The following URI1 variants were observed in gnomAD, a reference collection of about 807,000 sequenced individuals.
URI1 encodes the protein unconventional prefoldin RPB5 interactor 1.
A neutral mutation model predicts 60.2 loss-of-function variants in URI1; 39 were observed. The ratio of observed to expected loss-of-function variants is 0.65; its 90% CI spans 0.50 to 0.85. URI1 has a LOEUF of 0.85. Among genes scored for constraint, URI1 ranks in the 40% least tolerant of loss-of-function variants. The pLI is 0.00. For synonymous variants in URI1, 251 were observed against 236.8 expected (o/e 1.06, Z -0.55); for missense variants, 691 against 665.9 (o/e 1.04, Z -0.42).
intron 1 of URI1, among the ~76,000 whole-genome samples, chr19:29,961,151 T>C (rs775369181): frequency 2.0e-5 from 3 of 151,996 alleles, no homozygotes; most frequent in Non-Finnish European, 4.4e-5. Flanking sequence ...TGAGCTACCA[T>C]GACCAGCCCA....
chr19:29,924,922 G>A (rs568768823), intron 1 of URI1, among the ~76,000 whole-genome samples: 22 of 150,702 alleles, frequency 1.5e-4, no homozygotes, highest in South Asian at 6.3e-4. Flanking sequence ...TGCAACCTCC[G>A]CCTCCTGGAT....
rs77842821 is a variant in URI1, at chr19:30,014,944, C to G, written c.1483C>G (p.Pro495Ala). ...EFVSPSLTPPPAIAHPALPTI... is the reference protein window; with the variant it reads ...EFVSPSLTPPAAIAHPALPTI... ...TGTATCACCTTCCTTAACACCACCCCCAGCCATTGCTCATCCCGCACTACC... is the reference window on the plus strand; with the variant it reads ...TGTATCACCTTCCTTAACACCACCCGCAGCCATTGCTCATCCCGCACTACC... Residue 495 changes from proline (P) to alanine (A), a missense_variant, in exon 11 of 11, where the codon CCA becomes GCA. Transcript: ENST00000392271. 6.2e-7 allele frequency: 1 copy of G among 1,613,698 alleles called. No homozygotes were observed. Among genetic ancestry groups the G allele is most frequent in the East Asian group, 2.2e-5 (1 of 44,862 alleles).
rs747802047 is a variant in URI1, at chr19:30,012,418, T to G, written c.1312T>G (p.Leu438Val). ...TGAATTTGATGATAGGCGGGGAGTT[T>G]TGAGGAGTATCAGCTGCGAAGAAGC... Reference protein sequence around the residue: ...AAEFDDRRGVLRSISCEEATC... With the variant: ...AAEFDDRRGVVRSISCEEATC... Residue 438 changes from leucine to valine, a missense_variant, in exon 10 of 11, where the codon TTG (leucine) becomes GTG (valine). Coordinates refer to ENST00000392271, the MANE Select transcript of URI1 (RefSeq NM_003796.3). 1 of 1,614,088 alleles carries G rather than the reference T, an allele frequency of 6.2e-7. No individual in the cohort carries two copies.
chr19:29,974,888 C>T (rs1394074309), intron 2 of URI1, among the ~76,000 whole-genome samples: 1 of 152,200 alleles, frequency 6.6e-6, no homozygotes, highest in Non-Finnish European at 1.5e-5. Flanking sequence ...TGGCCTCCTG[C>T]TGCATCCATG....
chr19:29,964,466 T>TG (rs2055366430), intron 1 of URI1, among the ~76,000 whole-genome samples: 1 of 139,486 alleles, frequency 7.2e-6, no homozygotes, highest in Non-Finnish European at 1.5e-5. Context: ...TTTGTTTTGT[T>TG]TTTTTTTTTT....
Position 30,011,185 on chromosome 19 carries a change from G to T in URI1, c.1127G>T (p.Gly376Val). 1 of 1,612,144 alleles carries T rather than the reference G, an allele frequency of 6.2e-7. No individual in the cohort carries two copies. The highest frequency in any genetic ancestry group is 8.5e-7 in the Non-Finnish European group (1 of 1,179,304). ...KRKRKNSTGS[G>V]HSAQELPTIR... Reference sequence around the variant, plus strand: ...AAACGAAAGAACAGCACTGGCAGTGGCCACTCTGCCCAGGAGCTGCCGACC... The same window carrying T: ...AAACGAAAGAACAGCACTGGCAGTGTCCACTCTGCCCAGGAGCTGCCGACC... The change falls in exon 9 of 11, where the codon GGC becomes GTC. Residue 376 changes from glycine (G) to valine (V), a missense_variant. By Grantham distance (109) the Gly-to-Val change is moderately radical. Coordinates refer to ENST00000392271, the MANE Select transcript of URI1 (RefSeq NM_003796.3).
At chr19:29,934,038 T>G (rs879065398) in intron 1 of URI1, among the ~76,000 whole-genome samples, 1 of 147,332 alleles carries the variant, frequency 6.8e-6, no homozygotes, top group African/African-American at 2.5e-5. Context: ...CAGGTTCCAG[T>G]GATTCTCCTG....
chr19:29,998,046 C>T (rs1294995780), intron 4 of URI1, among the ~76,000 whole-genome samples: 1 of 152,030 alleles, frequency 6.6e-6, no homozygotes, highest in Non-Finnish European at 1.5e-5. Context: ...AGCCACTGTG[C>T]CCAGCCATAT....
chr19:29,946,071 C>T (rs1295148605), intron 1 of URI1, among the ~76,000 whole-genome samples: 4 of 152,090 alleles, frequency 2.6e-5, no homozygotes, highest in African/African-American at 9.7e-5. Flanking sequence ...TTTCCTTCCC[C>T]CCCCCAAAGG....
intron 1 of URI1, among the ~76,000 whole-genome samples, chr19:29,929,422 C>A (rs1215094565): frequency 2.0e-5 from 3 of 151,974 alleles, no homozygotes; most frequent in Non-Finnish European, 4.4e-5. Flanking sequence ...CATGGTGAAA[C>A]CCCATCTCTA....
intron 4 of URI1, among the ~76,000 whole-genome samples, chr19:29,989,851 T>C (rs1403137934): frequency 6.6e-6 from 1 of 152,144 alleles, no homozygotes; most frequent in Non-Finnish European, 1.5e-5. Context: ...TCTTGTCTTT[T>C]CATTCTCTTA....
At chr19:29,924,455 T>C (rs1031766920) in intron 1 of URI1, among the ~76,000 whole-genome samples, 10 of 152,190 alleles carry the variant, frequency 6.6e-5, no homozygotes, top group African/African-American at 2.4e-4. Flanking sequence ...ACGTGCATTA[T>C]AGGGGGTTTC....
intron 4 of URI1, among the ~76,000 whole-genome samples, chr19:29,999,780 T>G (rs1354707911): frequency 6.6e-6 from 1 of 151,988 alleles, no homozygotes; most frequent in Non-Finnish European, 1.5e-5. Flanking sequence ...ATGATTTTAG[T>G]TTATGATAGA....
At chr19:29,930,293 G>GT (rs975223572) in intron 1 of URI1, among the ~76,000 whole-genome samples, 4 of 152,038 alleles carry the variant, frequency 2.6e-5, no homozygotes, top group African/African-American at 9.7e-5. Context: ...CCAATTTACA[G>GT]TTTTTTTCTT....
At chr19:29,982,092 G>A (rs904859929) in intron 2 of URI1, among the ~76,000 whole-genome samples, 1 of 152,188 alleles carries the variant, frequency 6.6e-6, no homozygotes. Context: ...GAGAGAGAGG[G>A]TTCCTCAAGC....
intron 1 of URI1, among the ~76,000 whole-genome samples, chr19:29,959,673 T>G (rs2055297277): frequency 6.6e-6 from 1 of 152,240 alleles, no homozygotes; most frequent in South Asian, 2.1e-4. Flanking sequence ...CCTGTTATCT[T>G]TTTATTATCA....
At chr19:29,931,434 GAA>G (rs1428358361) in intron 1 of URI1, among the ~76,000 whole-genome samples, 5 of 152,254 alleles carry the variant, frequency 3.3e-5, no homozygotes, top group Non-Finnish European at 5.9e-5. Context: ...CAGAGCAAGA[GAA>G]AGCTCTCTGG....
intron 1 of URI1, chr19:29,925,683 A>G (rs1001373164): frequency 1.3e-5 from 2 of 152,250 alleles, no homozygotes; most frequent in African/African-American, 4.8e-5. Context: ...TGTGACTTAC[A>G]CAGGGCTGTG....
At position 30,005,652 on chromosome 19, in the gene URI1, C is replaced by T. The variant is rs143348334; in HGVS notation, c.461C>T (p.Ala154Val). 56 of 1,609,878 alleles carry T rather than the reference C, an allele frequency of 3.5e-5. No homozygotes were observed. The African/African-American group carries it at 7.2e-4, about 21-fold the overall frequency. ...GCTTTTTTTTTGTTTAAAAACCAGG[C>T]TGCAGGTGATATTGTTGACATACGA... ...FTEDLQKMSD[A>V]AGDIVDIREE... Residue 154 changes from alanine to valine, a missense_variant and splice_region_variant, in exon 6 of 11, where the codon GCT becomes GTT. Physicochemically the swap from Ala to Val is moderately conservative, Grantham distance 64. Coordinates refer to ENST00000392271, the MANE Select transcript of URI1 (RefSeq NM_003796.3).
Sources: gnomAD v4.1 joint callset for allele counts (sites outside exome capture counted in the v4.1 genomes callset) on GRCh38, gnomAD v4.1.1 for gene constraint, MANE v1.5 for transcripts, NCBI Gene and HGNC (gene_info 2026-07-23, HGNC 2026-07-21) for gene names.